Variants in ALK observed in about 807,000 individuals in gnomAD.
The protein encoded by ALK is ALK receptor tyrosine kinase.
ALK carries 74 observed loss-of-function variants against 163.1 expected under a neutral mutation model. The observed-to-expected ratio is 0.45, with a 90% CI of 0.38 to 0.55. The LOEUF is 0.55. Ranked by LOEUF, ALK falls within the 20% of genes least tolerant of loss-of-function variation. ALK has a pLI of 0.00. For synonymous variants in ALK, 960 were observed against 843.2 expected, an observed-to-expected ratio of 1.14 and a Z score of -2.40; for missense variants, 2,063 against 2,105.3, an observed-to-expected ratio of 0.98 and a Z score of 0.39.
At chr2:29,332,880 G>A (rs1444199084) in intron 5 of ALK, among the ~76,000 whole-genome samples, 1 of 152,168 alleles carries the variant, frequency 6.6e-6, no homozygotes, top group Non-Finnish European at 1.5e-5. Flanking sequence ...CCCAGAAGTG[G>A]AATTACTGAA....
intron 3 of ALK, among the ~76,000 whole-genome samples, chr2:29,569,689 G>A (rs982676502): frequency 1.3e-5 from 2 of 152,198 alleles, no homozygotes; most frequent in African/African-American, 4.8e-5. Context: ...GGGCTCTGGT[G>A]GGGTGGTGCT....
intron 3 of ALK, among the ~76,000 whole-genome samples, chr2:29,554,438 C>G (rs1344002094): frequency 1.3e-5 from 2 of 152,140 alleles, no homozygotes; most frequent in African/African-American, 4.8e-5. Context: ...CCTTTCAGAG[C>G]ACATTGATTG....
intron 4 of ALK, among the ~76,000 whole-genome samples, chr2:29,505,843 A>T (rs1488736944): frequency 6.6e-6 from 1 of 150,864 alleles, no homozygotes; most frequent in Non-Finnish European, 1.5e-5. Flanking sequence ...TTGGTTCAGC[A>T]GTCAGCAACA....
At chr2:29,457,578 G>C (rs576921609) in intron 4 of ALK, among the ~76,000 whole-genome samples, 28 of 152,212 alleles carry the variant, frequency 1.8e-4, no homozygotes, top group African/African-American at 6.5e-4. Flanking sequence ...GTCTGGGCGT[G>C]ACTCTTTGTC....
At chr2:29,367,041 G>A (rs1366655263) in intron 5 of ALK, among the ~76,000 whole-genome samples, 1 of 151,634 alleles carries the variant, frequency 6.6e-6, no homozygotes, top group African/African-American at 2.4e-5. Flanking sequence ...GCTGAGCTTG[G>A]GCCGTCCTCT....
At chr2:29,527,709 C>G (rs1008428435) in intron 4 of ALK, among the ~76,000 whole-genome samples, 16 of 151,996 alleles carry the variant, frequency 1.1e-4, no homozygotes, top group African/African-American at 3.9e-4. Flanking sequence ...GGTTGGGGGT[C>G]TCGCTATGTT....
intron 3 of ALK, among the ~76,000 whole-genome samples, chr2:29,615,557 G>A (rs1053021147): frequency 5.3e-5 from 8 of 152,136 alleles, no homozygotes; most frequent in South Asian, 4.1e-4. Flanking sequence ...TACATTTAGC[G>A]TTATTATCAG....
At position 29,192,994 on chromosome 2, in the gene ALK, AT is replaced by A. The variant is rs1668909048; in HGVS notation, c.*229del. The A allele has an allele frequency of 3.6e-6, 2 of 558,882 alleles. No individual in the cohort carries two copies. Among genetic ancestry groups the A allele is most frequent in the African/African-American group, 3.8e-5 (2 of 53,302 alleles). 34.6% of individuals were successfully genotyped at this position (558,882 alleles called of 1,614,324 possible). ...TTATGCAACCACATCTGGGCCTTGT[AT>A]TTATCACTCATTTTTATGATATTTT... On this transcript the variant is annotated 3_prime_UTR_variant, in exon 29 of 29. Coordinates refer to ENST00000389048, the MANE Select transcript of ALK (RefSeq NM_004304.5).
chr2:29,914,855 G>C (rs1667790563), intron 1 of ALK, among the ~76,000 whole-genome samples: 1 of 152,168 alleles, frequency 6.6e-6, no homozygotes, highest in Non-Finnish European at 1.5e-5. Context: ...TGAAGGAAAG[G>C]GGAACTGTGG....
intron 4 of ALK, among the ~76,000 whole-genome samples, chr2:29,411,106 T>C (rs1047808335): frequency 6.6e-6 from 1 of 152,250 alleles, no homozygotes; most frequent in African/African-American, 2.4e-5. Flanking sequence ...TATTACTTTT[T>C]AAACTTTTTT....
chr2:29,527,472 A>G (rs1041666070), intron 4 of ALK, among the ~76,000 whole-genome samples: 2 of 151,942 alleles, frequency 1.3e-5, no homozygotes, highest in African/African-American at 4.8e-5. Context: ...CACTGTGGAG[A>G]TGAGTCCTGG....
At chr2:29,304,506 A>AAG (rs1233782488) in intron 8 of ALK, among the ~76,000 whole-genome samples, 3 of 151,530 alleles carry the variant, frequency 2.0e-5, no homozygotes, top group Non-Finnish European at 4.4e-5. Flanking sequence ...AAAAAAAAAA[A>AAG]AAAAAGAAAA....
rs952037362 is a variant in ALK, at chr2:29,381,859, G to T, written c.1282+1873C>A. Among the ~76,000 whole-genome samples the T allele has an allele frequency of 2.6e-5, 4 of 152,176 alleles. No homozygotes were observed. In the East Asian group the frequency reaches 5.8e-4, roughly 22 times the overall value. On this transcript the variant is annotated intron_variant, in intron 5 of 28. Coordinates refer to ENST00000389048, the MANE Select transcript of ALK (RefSeq NM_004304.5). ...AGGATGATTCTTATGTCTGCAATTTGTCTATGCCTACTGATGCGCACCTGA... is the reference window on the plus strand; with the variant it reads ...AGGATGATTCTTATGTCTGCAATTTTTCTATGCCTACTGATGCGCACCTGA...
chr2:29,790,363 T>C (rs1022795370), intron 1 of ALK, among the ~76,000 whole-genome samples: 2 of 152,250 alleles, frequency 1.3e-5, no homozygotes, highest in Admixed American at 1.3e-4. Context: ...TGACATAGAC[T>C]GGGCTTGAAA....
chr2:29,404,637 A>G (rs1168405862), intron 4 of ALK, among the ~76,000 whole-genome samples: 1 of 152,224 alleles, frequency 6.6e-6, no homozygotes. Flanking sequence ...AATTCAACAA[A>G]CATTTATTGA....
chr2:29,502,157 G>A (rs1672205030), intron 4 of ALK, among the ~76,000 whole-genome samples: 1 of 152,124 alleles, frequency 6.6e-6, no homozygotes, highest in African/African-American at 2.4e-5. Flanking sequence ...AATAAAACAG[G>A]CATCATCCCT....
intron 1 of ALK, among the ~76,000 whole-genome samples, chr2:29,764,691 T>C (rs1680807321): frequency 6.6e-6 from 1 of 152,230 alleles, no homozygotes; most frequent in African/African-American, 2.4e-5. Flanking sequence ...CCAGTCATTT[T>C]GGTTTATGTC....
rs1402085327 is a variant in ALK at position 29,750,697 on chromosome 2, A to AAGGAAGGAAGGAAGGAAGGC, written c.668-33001_668-33000insGCCTTCCTTCCTTCCTTCCT. On this transcript the variant is annotated intron_variant, in intron 1 of 28. Coordinates refer to ENST00000389048, the MANE Select transcript of ALK (RefSeq NM_004304.5). ...GAAGGAAGGAAGGAAGGAAGGAAGGAAGGCAGGCAGGCAGGAAGGAAGGAA... is the reference window on the plus strand; with the variant it reads ...GAAGGAAGGAAGGAAGGAAGGAAGGAAGGAAGGAAGGAAGGAAGGCAGGCAGGCAGGCAGGAAGGAAGGAA... 3.2e-4 allele frequency among the ~76,000 whole-genome samples: 27 copies of AAGGAAGGAAGGAAGGAAGGC among 84,630 alleles called. 1 individual carries two copies. Among genetic ancestry groups the AAGGAAGGAAGGAAGGAAGGC allele is most frequent in the South Asian group, 9.2e-4 (2 of 2,172 alleles). 55.5% of individuals were successfully genotyped at this position (84,630 alleles called of 152,430 possible).
intron 3 of ALK, among the ~76,000 whole-genome samples, chr2:29,690,155 C>A (rs1475170839): frequency 6.6e-6 from 1 of 152,154 alleles, no homozygotes; most frequent in East Asian, 1.9e-4. Flanking sequence ...TGTTGCAATA[C>A]CCTAGTCATG....
Sources: allele counts gnomAD v4.1 joint callset (sites outside exome capture counted in the v4.1 genomes callset), GRCh38; gene constraint gnomAD v4.1.1; transcripts MANE v1.5; gene names NCBI Gene and HGNC (gene_info 2026-07-23, HGNC 2026-07-21).